The following ATP8B1 variants were observed in gnomAD, a reference collection of about 807,000 sequenced individuals.
The protein encoded by ATP8B1 is ATPase phospholipid transporting 8B1.
A neutral mutation model predicts 149.9 loss-of-function variants in ATP8B1; 80 were observed. The ratio of observed to expected loss-of-function variants is 0.53; its 90% CI spans 0.45 to 0.64. The LOEUF (loss-of-function observed/expected upper bound fraction) is 0.64. Ranked by LOEUF, ATP8B1 falls within the 30% of genes least tolerant of loss-of-function variation. ATP8B1 has a pLI of 0.00. For missense variants in ATP8B1, 1,247 were observed against 1,552.6 expected (o/e 0.80, Z 3.31); for synonymous variants, 536 against 562.8 (o/e 0.95, Z 0.67).
intron 26 of ATP8B1, among the ~76,000 whole-genome samples, chr18:57,651,049 G>A (rs1260789053): frequency 3.3e-5 from 5 of 151,864 alleles, no homozygotes; most frequent in Non-Finnish European, 7.4e-5. Context: ...AGCAAATAAG[G>A]AAAAAAAGCA....
intron 20 of ATP8B1, among the ~76,000 whole-genome samples, chr18:57,663,410 C>A (rs973491341): frequency 6.6e-6 from 1 of 152,152 alleles, no homozygotes; most frequent in African/African-American, 2.4e-5. Context: ...GCATGTATCT[C>A]TTTGAGATCC....
chr18:57,689,921 C>T (rs761428936), intron 12 of ATP8B1, among the ~76,000 whole-genome samples: 1 of 152,184 alleles, frequency 6.6e-6, no homozygotes, highest in Non-Finnish European at 1.5e-5. Flanking sequence ...GAGGCTGAGG[C>T]AGGGGACTCA....
intron 1 of ATP8B1, among the ~76,000 whole-genome samples, chr18:57,798,662 C>T (rs182473476): frequency 6.6e-6 from 1 of 152,092 alleles, no homozygotes; most frequent in Non-Finnish European, 1.5e-5. Flanking sequence ...AGAGAAAAGA[C>T]CAACTGATGT....
chr18:57,650,288 T>G, intron 27 of ATP8B1, 79 bp downstream of exon 27: 1 of 1,555,330 alleles, frequency 6.4e-7, no homozygotes, highest in Non-Finnish European at 8.8e-7. Flanking sequence ...GAGCTTAGAA[T>G]TTTGCAGGAA....
intron 1 of ATP8B1, among the ~76,000 whole-genome samples, chr18:57,796,853 A>G (rs1411945494): frequency 2.0e-5 from 3 of 152,160 alleles, no homozygotes; most frequent in Admixed American, 6.5e-5. Context: ...GGGTTTCACC[A>G]TGTTGGCCAG....
chr18:57,656,195 T>A (rs2122595796), intron 22 of ATP8B1, among the ~76,000 whole-genome samples: 1 of 152,166 alleles, frequency 6.6e-6, no homozygotes, highest in East Asian at 1.9e-4. Context: ...AAGTACCTAG[T>A]CCCCTGTATG....
chr18:57,724,369 T>C (rs2079682384), intron 2 of ATP8B1, among the ~76,000 whole-genome samples: 1 of 143,250 alleles, frequency 7.0e-6, no homozygotes, highest in East Asian at 2.3e-4. Context: ...AGGGCTAATA[T>C]CCAGAATCTA....
At chr18:57,669,984 A>C (rs1048209498) in intron 17 of ATP8B1, among the ~76,000 whole-genome samples, 2 of 152,200 alleles carry the variant, frequency 1.3e-5, no homozygotes, top group East Asian at 3.9e-4. Flanking sequence ...CTAAACTTCT[A>C]TAGGGTCCAG....
chr18:57,747,493 C>T (rs927430858), intron 1 of ATP8B1, among the ~76,000 whole-genome samples: 1 of 151,676 alleles, frequency 6.6e-6, no homozygotes, highest in Non-Finnish European at 1.5e-5. Flanking sequence ...AAGTCAGTGG[C>T]TCTCCTTAGT....
rs369553314 is a variant in ATP8B1, at chr18:57,674,840, T to C, written c.1813A>G (p.Ile605Val). ...GACTCTGAGGGGGACTTACCAATGA[T>C]AGACATTCGCTTCCGGTCACTGTTG... ...DFNSDRKRMSIIVRTPEGNIK... is the reference protein window; with the variant it reads ...DFNSDRKRMSVIVRTPEGNIK... Residue 605 changes from isoleucine (I) to valine (V), a missense_variant, in exon 16 of 28, where the codon ATC becomes GTC. Ile to Val is a conservative substitution (Grantham distance 29, BLOSUM62 3). Around this residue, in one of 3 missense-constraint regions of ATP8B1, gnomAD observed 853 missense variants for 1,035.7 expected, o/e 0.82. Transcript: ENST00000648908. 3.8e-5 allele frequency: 62 copies of C among 1,613,898 alleles called. No individual in the cohort carries two copies. Among genetic ancestry groups the C allele is most frequent in the Non-Finnish European group, 7.6e-6 (9 of 1,179,942 alleles).
intron 1 of ATP8B1, among the ~76,000 whole-genome samples, chr18:57,787,414 G>T (rs1290193608): frequency 7.4e-6 from 1 of 134,716 alleles, no homozygotes; most frequent in Non-Finnish European, 1.7e-5. Flanking sequence ...TGCGGGAGGA[G>T]CTCCATCTAG....
chr18:57,773,214 A>AAAG (rs1555655692), intron 1 of ATP8B1, among the ~76,000 whole-genome samples: 8 of 151,412 alleles, frequency 5.3e-5, no homozygotes, highest in Non-Finnish European at 1.2e-4. Context: ...AAAAAAAAAA[A>AAAG]AAAAGAAAAG....
At chr18:57,653,104 T>G (rs997884923) in intron 24 of ATP8B1, among the ~76,000 whole-genome samples, 2 of 152,210 alleles carry the variant, frequency 1.3e-5, no homozygotes. Context: ...GATGAGTTAA[T>G]TATAAATTAT....
rs771875476 is a variant in ATP8B1, at chr18:57,691,934, G to C, written c.1093C>G (p.Gln365Glu). ...AGGTACCAAGAGGAATTGCCCACCT[G>C]TGCTTCCCAATAAGCATGGCCGATG... Reference protein sequence around the residue: ...LAIGHAYWEAQVGNSSWYLYD... With the variant: ...LAIGHAYWEAEVGNSSWYLYD... The change falls in exon 12 of 28, where the codon CAG (glutamine) becomes GAG (glutamate). Residue 365 changes from glutamine to glutamate, a missense_variant. By Grantham distance (29) the Gln-to-Glu change is conservative (BLOSUM62 2). This residue lies in a region of ATP8B1 where 853 missense variants were observed against 1,035.7 expected (regional missense o/e 0.82). Transcript: ENST00000648908. 9 of 1,614,170 alleles carry C rather than the reference G, an allele frequency of 5.6e-6. No homozygotes were observed. Among genetic ancestry groups the C allele is most frequent in the Non-Finnish European group, 7.6e-6 (9 of 1,180,042 alleles).
intron 6 of ATP8B1, among the ~76,000 whole-genome samples, chr18:57,700,808 C>CT (rs1422163050): frequency 4.6e-5 from 7 of 152,110 alleles, no homozygotes; most frequent in Non-Finnish European, 1.5e-5. Context: ...ATCCCATCTA[C>CT]TCGGAGGCTG....
At chr18:57,699,675 C>T (rs867111854) in intron 6 of ATP8B1, among the ~76,000 whole-genome samples, 14 of 152,088 alleles carry the variant, frequency 9.2e-5, no homozygotes, top group Middle Eastern at 6.8e-3. Flanking sequence ...GAGCGGAGAT[C>T]GCGCCACTGC....
intron 22 of ATP8B1, among the ~76,000 whole-genome samples, chr18:57,657,935 A>G (rs1382279093): frequency 6.6e-6 from 1 of 152,226 alleles, no homozygotes; most frequent in Admixed American, 6.5e-5. Flanking sequence ...ATTTAAGTAC[A>G]GGCATTTAGA....
At position 57,648,708 on chromosome 18, in the gene ATP8B1, T is replaced by A; in HGVS notation, c.3536A>T (p.Gln1179Leu). The A allele has an allele frequency of 6.4e-7, 1 of 1,552,908 alleles. No individual in the cohort carries two copies. The highest frequency in any genetic ancestry group is 8.7e-7 in the Non-Finnish European group (1 of 1,148,636). Residue 1179 changes from glutamine (Q) to leucine (L), a missense_variant, in exon 28 of 28, where the codon CAG (glutamine) becomes CTG (leucine). Coordinates refer to ENST00000648908, the MANE Select transcript of ATP8B1 (RefSeq NM_001374385.1). ...TIWPSESDKI[Q>L]KHRKRLKAEE... is the part of the protein sequence containing the mutation. Reference sequence around the variant, plus strand: ...CGCCTTCAACCGCTTGCGATGCTTCTGGATCTGCAAGGGGGAGAGATGGGG... The same window carrying A: ...CGCCTTCAACCGCTTGCGATGCTTCAGGATCTGCAAGGGGGAGAGATGGGG...
At chr18:57,765,829 G>A (rs1280863918) in intron 1 of ATP8B1, among the ~76,000 whole-genome samples, 8 of 151,432 alleles carry the variant, frequency 5.3e-5, no homozygotes, top group South Asian at 2.1e-4. Context: ...AAAATTAGCC[G>A]GGCATGGTGG....
Sources: gnomAD v4.1 joint callset for allele counts (sites outside exome capture counted in the v4.1 genomes callset) on GRCh38, gnomAD v4.1.1 for gene constraint, gnomAD v4.1.1 regional missense constraint, MANE v1.5 for transcripts, NCBI Gene and HGNC (gene_info 2026-07-23, HGNC 2026-07-21) for gene names.